The following OLFML2B variants were observed in gnomAD, a reference collection of about 807,000 sequenced individuals.
The protein encoded by OLFML2B is olfactomedin like 2B.
A neutral mutation model predicts 74.9 loss-of-function variants in OLFML2B; 57 were observed. That is an observed-to-expected ratio of 0.76 (90% CI 0.61 to 0.95). The LOEUF is 0.95. Ranked by LOEUF, OLFML2B falls within the 40% of genes least tolerant of loss-of-function variation. OLFML2B has a pLI of 0.00. For synonymous variants in OLFML2B, 388 were observed against 405.8 expected (o/e 0.96, Z 0.53); for missense variants, 986 against 970.6 (o/e 1.02, Z -0.21).
intron 1 of OLFML2B, among the ~76,000 whole-genome samples, chr1:162,021,395 A>G (rs1220973104): frequency 6.6e-6 from 1 of 152,054 alleles, no homozygotes; most frequent in African/African-American, 2.4e-5. Flanking sequence ...TGGAGCCCCA[A>G]CTCTGGGCGC....
intron 6 of OLFML2B, among the ~76,000 whole-genome samples, chr1:161,995,823 T>C (rs1013059636): frequency 1.3e-5 from 2 of 152,160 alleles, no homozygotes; most frequent in Non-Finnish European, 2.9e-5. Context: ...ATGTTCCCTC[T>C]CACCCAAGGG....
chr1:162,023,285 G>A lies in OLFML2B; in HGVS notation c.146C>T (p.Ala49Val), dbSNP rs1219748120. ...AGATAAAACGTTCTCCTGGTTGTCC[G>A]CCTCGTTTTGCAGAGTCTCGTCCTC... ...PAEDETLQNEADNQENVLSQL... is the reference protein window; with the variant it reads ...PAEDETLQNEVDNQENVLSQL... Residue 49 changes from alanine (A) to valine (V), a missense_variant, in exon 1 of 8, where the codon GCG (alanine) becomes GTG (valine). Coordinates refer to ENST00000294794, the MANE Select transcript of OLFML2B (RefSeq NM_015441.3). 1.3e-6 allele frequency: 2 copies of A among 1,565,840 alleles called. No homozygotes were observed. The highest frequency in any genetic ancestry group is 1.2e-5 in the South Asian group (1 of 86,168).
chr1:162,021,579 A>G (rs1405186880), intron 1 of OLFML2B, among the ~76,000 whole-genome samples: 5 of 152,372 alleles, frequency 3.3e-5, no homozygotes, highest in Non-Finnish European at 5.9e-5. Context: ...GTCTGGGGGA[A>G]GAAGACTTGT....
chr1:162,010,972 T>C (rs1190430340), intron 3 of OLFML2B, among the ~76,000 whole-genome samples: 1 of 151,832 alleles, frequency 6.6e-6, no homozygotes, highest in Non-Finnish European at 1.5e-5. Context: ...TGGGTGAAGC[T>C]GGAGTGGGAG....
At chr1:162,001,936 C>T (rs971417574) in intron 4 of OLFML2B, among the ~76,000 whole-genome samples, 5 of 152,302 alleles carry the variant, frequency 3.3e-5, no homozygotes, top group South Asian at 2.1e-4. Flanking sequence ...ATCTGGATGG[C>T]GCTGTGAGAG....
chr1:162,008,024 A>C (rs1192659434), intron 3 of OLFML2B, among the ~76,000 whole-genome samples: 3 of 152,178 alleles, frequency 2.0e-5, no homozygotes, highest in African/African-American at 7.2e-5. Context: ...CCGGGTGCGC[A>C]GTCACTCCTA....
chr1:162,000,172 C>G lies in OLFML2B; in HGVS notation c.890G>C (p.Arg297Pro). The change falls in exon 5 of 8, where the codon CGG (arginine) becomes CCG (proline). Residue 297 changes from arginine (R) to proline (P), a missense_variant. Arg to Pro is a moderately radical substitution (Grantham distance 103). Coordinates refer to ENST00000294794, the MANE Select transcript of OLFML2B (RefSeq NM_015441.3). ...CTTGGCTTTATAGTAGGTGATGCCC[C>G]GGATGACAGTGGGCTGGGAGGCCGG... ...GRPASQPTVIRGITYYKAKVS... is the reference protein window; with the variant it reads ...GRPASQPTVIPGITYYKAKVS... 2 of 1,613,290 alleles carry G rather than the reference C, an allele frequency of 1.2e-6. No homozygotes were observed. Among genetic ancestry groups the G allele is most frequent in the Non-Finnish European group, 1.7e-6 (2 of 1,179,476 alleles).
intron 3 of OLFML2B, among the ~76,000 whole-genome samples, chr1:162,009,634 C>T (rs1052432193): frequency 3.9e-5 from 6 of 152,222 alleles, no homozygotes; most frequent in African/African-American, 9.6e-5. Flanking sequence ...ATTCCCCTCA[C>T]GGGAATGGCA....
intron 3 of OLFML2B, 26 bp from the exon 4 acceptor site, chr1:162,006,499 C>A (rs16837985): frequency 6.5e-7 from 1 of 1,532,502 alleles, no homozygotes. Flanking sequence ...AAAAGATGAT[C>A]CATTAAAGCA....
At position 162,013,869 on chromosome 1, in the gene OLFML2B, T is replaced by C. The variant is rs1440384861; in HGVS notation, c.546+3531A>G. 2.0e-5 allele frequency among the ~76,000 whole-genome samples: 3 copies of C among 148,028 alleles called. No homozygotes were observed. The East Asian group carries it at 6.0e-4, about 30-fold the overall frequency. On this transcript the variant is annotated intron_variant, in intron 3 of 7. Coordinates refer to ENST00000294794, the MANE Select transcript of OLFML2B (RefSeq NM_015441.3). Reference sequence around the variant, plus strand: ...ACAACATAGGTAAATATTAAAAATATAAAGTTGAGTGAAAAAAGCCCAACA... The same window carrying C: ...ACAACATAGGTAAATATTAAAAATACAAAGTTGAGTGAAAAAAGCCCAACA...
chr1:162,004,022 A>G (rs1162800179), intron 4 of OLFML2B, among the ~76,000 whole-genome samples: 1 of 152,134 alleles, frequency 6.6e-6, no homozygotes, highest in Non-Finnish European at 1.5e-5. Context: ...GGTGTTTTTT[A>G]TTTGGTTTGC....
chr1:161,985,137 T>C, intron 6 of OLFML2B, 157 bp from the exon 7 acceptor site: 1 of 655,496 alleles, frequency 1.5e-6, no homozygotes, highest in Non-Finnish European at 2.5e-6. Flanking sequence ...CATCTCCTGC[T>C]ACTCCCCTGA....
intron 6 of OLFML2B, among the ~76,000 whole-genome samples, chr1:161,988,267 G>A (rs1689643367): frequency 6.6e-6 from 1 of 152,170 alleles, no homozygotes; most frequent in South Asian, 2.1e-4. Flanking sequence ...CTGAAAAGAA[G>A]GGGCCCTTCC....
chr1:161,988,203 G>A (rs891582579), intron 6 of OLFML2B, among the ~76,000 whole-genome samples: 7 of 152,184 alleles, frequency 4.6e-5, no homozygotes, highest in Admixed American at 2.6e-4. Context: ...GTATTCTGTC[G>A]TTTAACCAAC....
At chr1:161,986,319 C>T (rs12217099) in intron 6 of OLFML2B, among the ~76,000 whole-genome samples, 10,425 of 152,244 alleles carry the variant, frequency 0.068, 742 homozygotes, top group African/African-American at 0.18. Flanking sequence ...TGTTCCAATC[C>T]GTTCCATCTA....
intron 2 of OLFML2B, among the ~76,000 whole-genome samples, chr1:162,018,848 G>A (rs1248114163): frequency 6.6e-6 from 1 of 152,250 alleles, no homozygotes; most frequent in Admixed American, 6.5e-5. Context: ...ACCAGAGGAA[G>A]AGAGCTGAAT....
At chr1:161,987,378 C>T (rs1188864515) in intron 6 of OLFML2B, among the ~76,000 whole-genome samples, 1 of 152,168 alleles carries the variant, frequency 6.6e-6, no homozygotes, top group Admixed American at 6.5e-5. Flanking sequence ...CTATACTGGA[C>T]TATCTGGGTG....
rs36123211 is a variant in OLFML2B at position 161,998,184 on chromosome 1, G to A, written c.1115C>T (p.Ser372Phe). The change falls in exon 6 of 8, where the codon TCC (serine) becomes TTC (phenylalanine). Residue 372 changes from serine (S) to phenylalanine (F), a missense_variant. Transcript: ENST00000294794. ...SDLNARTAPWSSALPQPSTSD... is the reference protein window; with the variant it reads ...SDLNARTAPWFSALPQPSTSD... Reference sequence around the variant, plus strand: ...GGTCGAGGGCTGTGGCAGTGCTGAGGACCAGGGTGCGGTCCGAGCGTTCAG... The same window carrying A: ...GGTCGAGGGCTGTGGCAGTGCTGAGAACCAGGGTGCGGTCCGAGCGTTCAG... The A allele has an allele frequency of 6.2e-7, 1 of 1,613,958 alleles. No individual in the cohort carries two copies. The highest frequency in any genetic ancestry group is 8.5e-7 in the Non-Finnish European group (1 of 1,180,048).
At position 161,984,160 on chromosome 1, in the gene OLFML2B, G is replaced by A. The variant is rs1689519288; in HGVS notation, c.1768C>T (p.Leu590=). Residue 590 remains leucine (L), a synonymous_variant, in exon 8 of 8, where the codon CTG becomes TTG. Transcript: ENST00000294794. ...AFTRNIIKYD[L]KQRYVAAWAM... ...CAGGCAGCCACGTAGCGCTGCTTCA[G>A]GTCGTACTTGATGATGTTGCGGGTG... is the stretch of plus-strand genomic sequence containing the variant. 2 of 1,608,936 alleles carry A rather than the reference G, an allele frequency of 1.2e-6. No individual in the cohort carries two copies. The highest frequency in any genetic ancestry group is 1.7e-6 in the Non-Finnish European group (2 of 1,177,330).
Sources: allele counts gnomAD v4.1 joint callset (sites outside exome capture counted in the v4.1 genomes callset), GRCh38; gene constraint gnomAD v4.1.1; transcripts MANE v1.5; gene names NCBI Gene and HGNC (gene_info 2026-07-23, HGNC 2026-07-21).